Variants in N4BP2L1 observed in about 807,000 individuals in gnomAD.
N4BP2L1 encodes NEDD4-binding protein 2-like 1.
N4BP2L1 carries 12 observed loss-of-function variants against 21.2 expected under a neutral mutation model. The ratio of observed to expected loss-of-function variants is 0.57; its 90% CI spans 0.36 to 0.92. N4BP2L1 has a LOEUF of 0.92. Ranked by LOEUF, N4BP2L1 falls within the 40% of genes least tolerant of loss-of-function variation. The pLI, the probability that N4BP2L1 is intolerant of heterozygous loss-of-function variation, is 0.01. For missense variants in N4BP2L1, 259 were observed against 310.6 expected (o/e 0.83, Z 1.25); for synonymous variants, 104 against 112.8 (o/e 0.92, Z 0.49).
In N4BP2L1 at chr13:32,428,004, G is replaced by A. The variant is rs754137826; in HGVS notation, c.79C>T (p.Arg27Trp). Residue 27 changes from arginine (R) to tryptophan (W), a missense_variant, in exon 1 of 5, where the codon CGG becomes TGG. Arg to Trp is a moderately radical substitution (Grantham distance 101). This residue lies in a region of N4BP2L1 where 60 missense variants were observed against 54.7 expected (regional missense o/e 1.10). Transcript: ENST00000380130. ...QQQQQRQRPP[R>W]PPPRGTPPRR... ...GGAGGTGTCCCCCGCGGGGGCGGCC[G>A]GGGCGGCCGCTGCCGCTGCTGCTGC... The A allele has an allele frequency of 8.3e-6, 13 of 1,561,668 alleles. No individual in the cohort carries two copies. Among genetic ancestry groups the A allele is most frequent in the Non-Finnish European group, 1.1e-5 (13 of 1,156,774 alleles).
At chr13:32,411,443 A>C in intron 1 of N4BP2L1, 1 of 832,346 alleles carries the variant, frequency 1.2e-6, no homozygotes, top group Non-Finnish European at 1.4e-6. Context: ...AATAGGCAGG[A>C]CAATAAAAAC....
chr13:32,402,527 A>C lies in N4BP2L1; in HGVS notation c.*415T>G, dbSNP rs188315901. 2,301 of 520,608 alleles carry C rather than the reference A, an allele frequency of 4.4e-3. 47 individuals carry two copies. The African/African-American group carries it at 0.06, about 14-fold the overall frequency. 32.2% of individuals were successfully genotyped at this position (520,608 alleles called of 1,614,324 possible). On this transcript the variant is annotated 3_prime_UTR_variant, in exon 5 of 5. Transcript: ENST00000380130. ...CTTTGATAAGTAGCAATGCCCCCCC[A>C]CCACTTCTCTCCACCTTCCCAACTT...
At chr13:32,417,813 G>A (rs2074234794) in intron 1 of N4BP2L1, among the ~76,000 whole-genome samples, 1 of 152,228 alleles carries the variant, frequency 6.6e-6, no homozygotes, top group Non-Finnish European at 1.5e-5. Flanking sequence ...GGGAACTGGA[G>A]TAAAGGTCAC....
intron 1 of N4BP2L1, among the ~76,000 whole-genome samples, chr13:32,415,248 C>CA (rs1308093085): frequency 6.6e-6 from 1 of 152,172 alleles, no homozygotes; most frequent in African/African-American, 2.4e-5. Flanking sequence ...CCATGTTCCA[C>CA]ACAGCCAAAG....
chr13:32,414,795 G>A (rs1056177794), intron 1 of N4BP2L1, among the ~76,000 whole-genome samples: 2 of 152,136 alleles, frequency 1.3e-5, no homozygotes, highest in Non-Finnish European at 2.9e-5. Flanking sequence ...AACTGGCTTG[G>A]GTTTCTACCG....
In N4BP2L1 at chr13:32,402,244, G is replaced by C; in HGVS notation, c.*698C>G. ...AGGTTTAATCCTGCTGAATAAAGTA[G>C]TAAAAACACAAGGCGTGACTTTAAA... On this transcript the variant is annotated 3_prime_UTR_variant, in exon 5 of 5. Transcript: ENST00000380130. 1 of 877,940 alleles carries C rather than the reference G, an allele frequency of 1.1e-6. No individual in the cohort carries two copies. The highest frequency in any genetic ancestry group is 1.4e-6 in the Non-Finnish European group (1 of 731,932). 54.4% of individuals were successfully genotyped at this position (877,940 alleles called of 1,614,324 possible).
At chr13:32,418,053 G>C (rs2074248458) in intron 1 of N4BP2L1, among the ~76,000 whole-genome samples, 2 of 152,210 alleles carry the variant, frequency 1.3e-5, no homozygotes, top group African/African-American at 2.4e-5. Flanking sequence ...GCAGAAATTT[G>C]CCTAAGTAAC....
At position 32,401,272 on chromosome 13, in the gene N4BP2L1, C is replaced by T. The variant is rs964604354; in HGVS notation, c.*1670G>A. 6.6e-6 allele frequency: 1 copy of T among 152,136 alleles called. No individual in the cohort carries two copies. Among genetic ancestry groups the T allele is most frequent in the African/African-American group, 2.4e-5 (1 of 41,416 alleles). The allele number at this position is 152,136 out of a possible 1,614,324, so 9.4% of individuals were successfully genotyped here. A position where few individuals can be genotyped will look rare whatever the true frequency, so the allele number is the denominator to read the frequency against. ...GCCACCACCCTATCAACCAAGATACCCAGGACTACCTGGGCCTGGAAAATG... is the reference window on the plus strand; with the variant it reads ...GCCACCACCCTATCAACCAAGATACTCAGGACTACCTGGGCCTGGAAAATG... On this transcript the variant is annotated 3_prime_UTR_variant, in exon 5 of 5. Transcript: ENST00000380130.
intron 1 of N4BP2L1, chr13:32,419,412 A>ATTTTTTTTTGTTTTTTT: frequency 3.6e-6 from 1 of 277,786 alleles, no homozygotes; most frequent in Non-Finnish European, 6.4e-6. Flanking sequence ...TGCTTGGCTA[A>ATTTTTTTTTGTTTTTTT]TTTTTTTTTT....
In N4BP2L1 at chr13:32,411,483, T is replaced by C. The variant is rs777848637; in HGVS notation, c.180-3711A>G. On this transcript the variant is annotated intron_variant, in intron 1 of 4. Transcript: ENST00000380130. ...CTAGCTAAATAAAGAACTGATTAAATAGACAATCTTGAGATTCTCAAACTT... is the reference window on the plus strand; with the variant it reads ...CTAGCTAAATAAAGAACTGATTAAACAGACAATCTTGAGATTCTCAAACTT... 12 of 979,698 alleles carry C rather than the reference T, an allele frequency of 1.2e-5. No homozygotes were observed. In the African/African-American group the frequency reaches 1.9e-4, roughly 16 times the overall value. The allele number at this position is 979,698 out of a possible 1,614,324, so 60.7% of individuals were successfully genotyped here.
At chr13:32,421,893 G>C (rs1940567458) in intron 1 of N4BP2L1, among the ~76,000 whole-genome samples, 1 of 152,136 alleles carries the variant, frequency 6.6e-6, no homozygotes, top group Non-Finnish European at 1.5e-5. Context: ...GAGACTGAGT[G>C]GCCATAGGCG....
At chr13:32,403,305 G>T in intron 4 of N4BP2L1, 105 bp from the exon 5 acceptor site, 1 of 1,195,212 alleles carries the variant, frequency 8.4e-7, no homozygotes, top group Non-Finnish European at 1.2e-6. Flanking sequence ...CTGTTCTCAG[G>T]ACCTAGCTCT....
At chr13:32,427,798 C>T in intron 1 of N4BP2L1, 106 bp downstream of exon 1, 2 of 661,280 alleles carry the variant, frequency 3.0e-6, no homozygotes, top group East Asian at 9.4e-5. Flanking sequence ...GCACCCGCGG[C>T]GGGGGCGCAA....
At chr13:32,405,142 C>T (rs200252187) in intron 3 of N4BP2L1, among the ~76,000 whole-genome samples, 12 of 152,078 alleles carry the variant, frequency 7.9e-5, no homozygotes, top group African/African-American at 1.7e-4. Context: ...ATAACACAAC[C>T]GGAAACCTCT....
rs746852702 is a variant in N4BP2L1, at chr13:32,407,306, T to C, written c.340A>G (p.Ile114Val). The C allele has an allele frequency of 8.1e-6, 13 of 1,614,102 alleles. No homozygotes were observed. The highest frequency in any genetic ancestry group is 1.7e-5 in the Admixed American group (1 of 60,022). Residue 114 changes from isoleucine to valine, a missense_variant, in exon 3 of 5, where the codon ATT (isoleucine) becomes GTT (valine). Around this residue, in one of 3 missense-constraint regions of N4BP2L1, gnomAD observed 91 missense variants for 148.1 expected, o/e 0.61. Coordinates refer to ENST00000380130, the MANE Select transcript of N4BP2L1 (RefSeq NM_052818.3). ...TGGAGGTTGGTATTATCAATAATAA[T>C]GGGGGATATGCCATTCCTCATTGCT... is the stretch of plus-strand genomic sequence containing the variant. ...RKAMRNGISPIIIDNTNLHAW... is the reference protein window; with the variant it reads ...RKAMRNGISPVIIDNTNLHAW...
intron 3 of N4BP2L1, among the ~76,000 whole-genome samples, chr13:32,404,807 C>T (rs2073369175): frequency 6.6e-6 from 1 of 151,694 alleles, no homozygotes; most frequent in African/African-American, 2.4e-5. Context: ...AGTGGGAGTA[C>T]CATAGGAACA....
chr13:32,413,876 CTTT>C lies in N4BP2L1; in HGVS notation c.180-6107_180-6105del, dbSNP rs57796470. On this transcript the variant is annotated intron_variant, in intron 1 of 4. Transcript: ENST00000380130. ...TAGAGTACACCAAGTTTGCACCAAG[CTTT>C]TTTTTTTTTTTTTTTTTTTTGAGAC... is the stretch of plus-strand genomic sequence containing the variant. Among the ~76,000 whole-genome samples the C allele has an allele frequency of 5.4e-3, 534 of 98,520 alleles. 2 individuals are homozygous for C. The highest frequency in any genetic ancestry group is 0.018 in the African/African-American group (430 of 24,518). 64.6% of individuals were successfully genotyped at this position (98,520 alleles called of 152,430 possible). A position where few individuals can be genotyped will look rare whatever the true frequency, so the allele number is the denominator to read the frequency against.
chr13:32,403,045 C>T lies in N4BP2L1; in HGVS notation c.629G>A (p.Arg210Lys), dbSNP rs769073286. The change falls in exon 5 of 5, where the codon AGA becomes AAA. Residue 210 changes from arginine to lysine, a missense_variant. Physicochemically the swap from Arg to Lys is conservative, Grantham distance 26. Coordinates refer to ENST00000380130, the MANE Select transcript of N4BP2L1 (RefSeq NM_052818.3). ...AAACTCTGTGTAGGAATTCCAGTATCTGGCATTGTTGGAAGGCAATGCATT... is the reference window on the plus strand; with the variant it reads ...AAACTCTGTGTAGGAATTCCAGTATTTGGCATTGTTGGAAGGCAATGCATT... ...RNNALPSNNA[R>K]YWNSYTEFPN... The T allele has an allele frequency of 1.4e-5, 23 of 1,614,004 alleles. No individual in the cohort carries two copies. The highest frequency in any genetic ancestry group is 1.9e-5 in the Non-Finnish European group (22 of 1,180,026).
At chr13:32,421,965 T>C (rs1345296760) in intron 1 of N4BP2L1, among the ~76,000 whole-genome samples, 5 of 152,180 alleles carry the variant, frequency 3.3e-5, no homozygotes, top group African/African-American at 1.2e-4. Flanking sequence ...CATTGACTTA[T>C]AAATATCCTA....
Sources: allele counts gnomAD v4.1 joint callset (sites outside exome capture counted in the v4.1 genomes callset), GRCh38; gene constraint gnomAD v4.1.1; regional missense constraint gnomAD v4.1.1; transcripts MANE v1.5; gene names NCBI Gene and HGNC (gene_info 2026-07-23, HGNC 2026-07-21).